Variants in KCND3 observed in about 807,000 individuals in gnomAD.
KCND3 encodes the protein potassium voltage-gated channel subfamily D member 3.
Under a neutral mutation model 51.1 loss-of-function variants are expected in KCND3, and 9 were observed. The observed-to-expected ratio is 0.18, with a 90% confidence interval of 0.11 to 0.31. The LOEUF (loss-of-function observed/expected upper bound fraction) is 0.31. KCND3 is among the 10% of genes least tolerant of loss of function. KCND3 has a pLI of 1.00. For missense variants in KCND3, 526 were observed against 903.8 expected, an observed-to-expected ratio of 0.58 and a Z score of 5.36; for synonymous variants, 349 against 368.0, an observed-to-expected ratio of 0.95 and a Z score of 0.59.
intron 2 of KCND3, among the ~76,000 whole-genome samples, chr1:111,880,550 CAAAT>C (rs1226599386): frequency 6.6e-6 from 1 of 152,170 alleles, no homozygotes; most frequent in African/African-American, 2.4e-5. Flanking sequence ...CAAATGGCAA[CAAAT>C]AAAGTTTGAG....
chr1:111,780,572 AC>A lies in KCND3; in HGVS notation c.1371+117del. 1.0e-6 allele frequency: 1 copy of A among 956,556 alleles called. No individual in the cohort carries two copies. The highest frequency in any genetic ancestry group is 1.6e-6 in the Non-Finnish European group (1 of 609,294). The allele number at this position is 956,556 out of a possible 1,614,324, so 59.3% of individuals were successfully genotyped here. On this transcript the variant is annotated intron_variant, in intron 4 of 7. Transcript: ENST00000302127. The surrounding 1 kb of genome is among the most constrained non-coding windows in gnomAD (Gnocchi z 4.2). ...GCTGCTACCTGGGGAAAGTTTGGAA[AC>A]GTGTCCTCCTTGGGGTTCATACTGG...
chr1:111,986,195 T>C (rs1675274709), intron 1 of KCND3, among the ~76,000 whole-genome samples: 1 of 152,242 alleles, frequency 6.6e-6, no homozygotes, highest in African/African-American at 2.4e-5. Context: ...TAACATTTAT[T>C]GAACACTGAC....
At chr1:111,962,373 A>G (rs571827448) in intron 2 of KCND3, among the ~76,000 whole-genome samples, 2 of 152,314 alleles carry the variant, frequency 1.3e-5, no homozygotes, top group East Asian at 3.9e-4. Flanking sequence ...GACTGCAATC[A>G]TGATCTTAGG....
intron 2 of KCND3, among the ~76,000 whole-genome samples, chr1:111,838,679 AAACAACAACAAC>A (rs376997509): frequency 4.0e-5 from 6 of 151,838 alleles, no homozygotes; most frequent in South Asian, 4.2e-4. Context: ...ACAAAAGCAA[AAACAACAACAAC>A]AACAACAACA....
chr1:111,792,946 AAAT>A (rs1362242909), intron 2 of KCND3, among the ~76,000 whole-genome samples: 1 of 148,832 alleles, frequency 6.7e-6, no homozygotes, highest in Non-Finnish European at 1.5e-5. Context: ...TTTATATATA[AAAT>A]AATACCAATT....
intron 2 of KCND3, among the ~76,000 whole-genome samples, chr1:111,804,856 C>T (rs904858002): frequency 2.0e-5 from 3 of 152,204 alleles, no homozygotes; most frequent in Non-Finnish European, 4.4e-5. Context: ...GGTGCCCGGG[C>T]GGTCTGCCTC....
chr1:111,822,137 T>A (rs1320562784), intron 2 of KCND3, among the ~76,000 whole-genome samples: 1 of 152,136 alleles, frequency 6.6e-6, no homozygotes, highest in East Asian at 1.9e-4. Context: ...AAGATTTATG[T>A]GATTTTCACA....
chr1:111,905,970 G>A (rs1670633029), intron 2 of KCND3, among the ~76,000 whole-genome samples: 1 of 152,204 alleles, frequency 6.6e-6, no homozygotes, highest in Non-Finnish European at 1.5e-5. Context: ...TGAGTTGGAT[G>A]AGCTGTCAGC....
At chr1:111,821,351 A>G (rs74815556) in intron 2 of KCND3, among the ~76,000 whole-genome samples, 6,502 of 152,310 alleles carry the variant, frequency 0.043, 162 homozygotes, top group African/African-American at 0.058. Flanking sequence ...ACAGCTAGAC[A>G]GCGTGGCACC....
intron 2 of KCND3, among the ~76,000 whole-genome samples, chr1:111,799,412 C>T (rs1665195398): frequency 6.6e-6 from 1 of 152,140 alleles, no homozygotes; most frequent in Admixed American, 6.5e-5. Context: ...GAAAAAGAAA[C>T]AAATGGAGTT....
intron 2 of KCND3, among the ~76,000 whole-genome samples, chr1:111,888,331 A>G (rs1669660717): frequency 6.6e-6 from 1 of 152,194 alleles, no homozygotes; most frequent in Non-Finnish European, 1.5e-5. Flanking sequence ...GCAAAGGAGG[A>G]TGAGGGCAAA....
At chr1:111,944,941 CTGCTT>C (rs1441917987) in intron 2 of KCND3, among the ~76,000 whole-genome samples, 2 of 152,234 alleles carry the variant, frequency 1.3e-5, no homozygotes, top group Non-Finnish European at 2.9e-5. Context: ...AATTGTCTGC[CTGCTT>C]CTGTCACTCA....
At chr1:111,978,821 G>A (rs1674785853) in intron 2 of KCND3, among the ~76,000 whole-genome samples, 1 of 152,100 alleles carries the variant, frequency 6.6e-6, no homozygotes, top group South Asian at 2.1e-4. Flanking sequence ...AATGGAAGAG[G>A]CACTCCATTC....
At chr1:111,890,026 C>A (rs901081608) in intron 2 of KCND3, among the ~76,000 whole-genome samples, 2 of 152,124 alleles carry the variant, frequency 1.3e-5, no homozygotes, top group African/African-American at 4.8e-5. Flanking sequence ...GCAAGAGTCG[C>A]ATTCAATGAC....
chr1:111,789,558 A>G (rs972227354), intron 2 of KCND3, among the ~76,000 whole-genome samples: 13 of 152,226 alleles, frequency 8.5e-5, no homozygotes, highest in African/African-American at 3.1e-4. Context: ...AATTACCAAG[A>G]GACTAGAGAT....
intron 2 of KCND3, among the ~76,000 whole-genome samples, chr1:111,919,972 G>A (rs918092525): frequency 6.6e-6 from 1 of 152,218 alleles, no homozygotes; most frequent in African/African-American, 2.4e-5. Context: ...AGGAGCTCAG[G>A]TTGCTGCTAT....
intron 2 of KCND3, among the ~76,000 whole-genome samples, chr1:111,841,938 G>A (rs192431096): frequency 1.4e-3 from 220 of 152,354 alleles, no homozygotes; most frequent in Admixed American, 2.6e-3. Context: ...GCCTGGGGGG[G>A]TCAGGGGATG....
intron 2 of KCND3, among the ~76,000 whole-genome samples, chr1:111,907,072 A>G (rs1333665552): frequency 2.6e-5 from 4 of 151,900 alleles, no homozygotes; most frequent in South Asian, 4.2e-4. Context: ...CTGTCCCCCA[A>G]TCCTGGGCTC....
At chr1:111,891,489 G>T (rs1018990117) in intron 2 of KCND3, among the ~76,000 whole-genome samples, 1 of 152,166 alleles carries the variant, frequency 6.6e-6, no homozygotes, top group Non-Finnish European at 1.5e-5. Context: ...CAGTACCTAC[G>T]GCACAAATGC....
Sources: allele counts gnomAD v4.1 joint callset (sites outside exome capture counted in the v4.1 genomes callset), GRCh38; gene constraint gnomAD v4.1.1; non-coding constraint Gnocchi (gnomAD v3.1); transcripts MANE v1.5; gene names NCBI Gene and HGNC (gene_info 2026-07-23, HGNC 2026-07-21).